The following SPAG6 variants were observed in gnomAD, a reference collection of about 807,000 sequenced individuals.
SPAG6 encodes the protein sperm-associated antigen 6.
In SPAG6, 49 loss-of-function variants were observed where a neutral mutation model predicts 58.5. That is an observed-to-expected ratio of 0.84 (90% CI 0.67 to 1.06). The LOEUF (loss-of-function observed/expected upper bound fraction) is 1.06. SPAG6 is among the 50% of genes least tolerant of loss of function. SPAG6 has a pLI of 0.00. For synonymous variants in SPAG6, 233 were observed against 225.6 expected (o/e 1.03, Z -0.29); for missense variants, 560 against 611.3 (o/e 0.92, Z 0.89).
chr10:22,352,755 C>T (rs994539173), intron 2 of SPAG6, among the ~76,000 whole-genome samples: 2 of 152,166 alleles, frequency 1.3e-5, no homozygotes, highest in Non-Finnish European at 2.9e-5. Flanking sequence ...GTGATCCACC[C>T]GCCTCGGCCT....
chr10:22,411,015 T>C lies in SPAG6; in HGVS notation c.1315-16T>C. 6.2e-7 allele frequency: 1 copy of C among 1,604,592 alleles called. No homozygotes were observed. The highest frequency in any genetic ancestry group is 8.5e-7 in the Non-Finnish European group (1 of 1,177,400). On this transcript the variant is annotated splice_polypyrimidine_tract_variant and intron_variant, in intron 9 of 10. Transcript: ENST00000376624. ...GGAAAAGAAAAGCTGACATTTTATG[T>C]GCTTCACTTTGCAAGGTGCTGCCGC... is the stretch of plus-strand genomic sequence containing the variant.
rs138630966 is a variant in SPAG6, at chr10:22,390,342, C to T, written c.1005+1030C>T. On this transcript the variant is annotated intron_variant, in intron 7 of 10. Coordinates refer to ENST00000376624, the MANE Select transcript of SPAG6 (RefSeq NM_012443.4). ...GAATGATGAAAGAAGAAGCAATTGC[C>T]GTTGCTTCCCATATGCCTTCCTGAA... is the stretch of plus-strand genomic sequence containing the variant. Among the ~76,000 whole-genome samples the T allele has an allele frequency of 1.8e-4, 28 of 152,194 alleles. No homozygotes were observed. The East Asian group carries it at 4.1e-3, about 22-fold the overall frequency.
intron 4 of SPAG6, among the ~76,000 whole-genome samples, chr10:22,378,070 T>C (rs1249020216): frequency 6.9e-6 from 1 of 145,102 alleles, no homozygotes; most frequent in Non-Finnish European, 1.5e-5. Flanking sequence ...TTTTTTTTTT[T>C]TTTTTCTTTT....
chr10:22,386,621 A>G (rs1834068922), intron 4 of SPAG6, 133 bp from the exon 5 acceptor site: 1 of 683,072 alleles, frequency 1.5e-6, no homozygotes, highest in Non-Finnish European at 2.6e-6. Context: ...AGGAAGCCTG[A>G]TTTGAAATGC....
intron 4 of SPAG6, among the ~76,000 whole-genome samples, chr10:22,378,061 T>C (rs1208275083): frequency 7.6e-5 from 11 of 145,616 alleles, no homozygotes; most frequent in African/African-American, 2.5e-4. Flanking sequence ...TTTTCTTTTT[T>C]TTTTTTTTTT....
intron 4 of SPAG6, among the ~76,000 whole-genome samples, chr10:22,371,705 A>AAT (rs1243192393): frequency 6.6e-6 from 1 of 152,224 alleles, no homozygotes; most frequent in Non-Finnish European, 1.5e-5. Flanking sequence ...CAAAAGAAAT[A>AAT]ATATATACTT....
At chr10:22,379,280 A>C (rs1833895633) in intron 4 of SPAG6, among the ~76,000 whole-genome samples, 1 of 152,090 alleles carries the variant, frequency 6.6e-6, no homozygotes, top group Non-Finnish European at 1.5e-5. Context: ...GTGTAGAACA[A>C]AGCTTTTTGT....
intron 9 of SPAG6, among the ~76,000 whole-genome samples, chr10:22,409,689 C>G (rs114652622): frequency 1.3e-5 from 2 of 152,142 alleles, no homozygotes; most frequent in Admixed American, 1.3e-4. Flanking sequence ...AAGAGCGTTT[C>G]GGTCAGAGGG....
Position 22,377,235 on chromosome 10 carries a change from C to T in SPAG6, c.472+8557C>T, listed in dbSNP as rs118068653. On this transcript the variant is annotated intron_variant, in intron 4 of 10. Coordinates refer to ENST00000376624, the MANE Select transcript of SPAG6 (RefSeq NM_012443.4). ...AGGAATGGAGGCTTCCCAGCAATGA[C>T]GAGATTGAGCTGGAAGCAGATCCTC... Among the ~76,000 whole-genome samples, 76 of 152,246 alleles carry T rather than the reference C, an allele frequency of 5.0e-4. 2 individuals are homozygous for T. The East Asian group carries it at 0.012, about 25-fold the overall frequency.
intron 2 of SPAG6, among the ~76,000 whole-genome samples, chr10:22,362,156 T>C (rs1837063132): frequency 6.8e-6 from 1 of 146,062 alleles, no homozygotes; most frequent in South Asian, 2.1e-4. Context: ...TATATATATT[T>C]ATTTTATATA....
intron 4 of SPAG6, among the ~76,000 whole-genome samples, chr10:22,378,062 T>C (rs1255642940): frequency 6.9e-6 from 1 of 145,770 alleles, no homozygotes; most frequent in African/African-American, 2.5e-5. Context: ...TTTCTTTTTT[T>C]TTTTTTTTTT....
At position 22,354,834 on chromosome 10, in the gene SPAG6, C is replaced by T. The variant is rs112553461; in HGVS notation, c.121+9016C>T. ...AGACCAGCCTGGCCAACATGGTAAA[C>T]CCCATCTCTACTAAAAATACAAAAA... On this transcript the variant is annotated intron_variant, in intron 2 of 10. Transcript: ENST00000376624. Among the ~76,000 whole-genome samples, 360 of 152,096 alleles carry T rather than the reference C, an allele frequency of 2.4e-3. 2 individuals carry two copies. Among genetic ancestry groups the T allele is most frequent in the African/African-American group, 8.4e-3 (348 of 41,492 alleles).
intron 9 of SPAG6, among the ~76,000 whole-genome samples, chr10:22,408,722 C>A (rs919720895): frequency 6.6e-6 from 1 of 152,222 alleles, no homozygotes; most frequent in Non-Finnish European, 1.5e-5. Flanking sequence ...ATGGCGGGCG[C>A]CCCTCCCCCA....
At chr10:22,376,793 A>T (rs1833824884) in intron 4 of SPAG6, among the ~76,000 whole-genome samples, 1 of 152,012 alleles carries the variant, frequency 6.6e-6, no homozygotes, top group Admixed American at 6.6e-5. Context: ...ACAAGTTATA[A>T]AAGATAAGAG....
chr10:22,400,432 G>A (rs1834382290), intron 8 of SPAG6, among the ~76,000 whole-genome samples: 1 of 152,074 alleles, frequency 6.6e-6, no homozygotes, highest in South Asian at 2.1e-4. Flanking sequence ...GTGATGTGCT[G>A]CAGCCCCATC....
rs926805653 is a variant in SPAG6 at position 22,412,430 on chromosome 10, C to T, written c.1460+1254C>T. The T allele has an allele frequency of 6.9e-6, 10 of 1,456,466 alleles. No individual in the cohort carries two copies. In the Admixed American group the frequency reaches 1.6e-4, roughly 24 times the overall value. 90.2% of individuals were successfully genotyped at this position (1,456,466 alleles called of 1,614,324 possible). A position where few individuals can be genotyped will look rare whatever the true frequency, so the allele number is the denominator to read the frequency against. ...AAGATTAAAATTTGTTTTCTATCCA[C>T]ATATTTTTACCCAGTAAATTCTTTC... On this transcript the variant is annotated intron_variant, in intron 10 of 10. Transcript: ENST00000376624.
intron 9 of SPAG6, among the ~76,000 whole-genome samples, chr10:22,402,432 A>T (rs929921047): frequency 6.6e-6 from 1 of 152,232 alleles, no homozygotes; most frequent in Non-Finnish European, 1.5e-5. Context: ...GTCCCTACAG[A>T]TAAGTTTGCC....
chr10:22,345,674 G>C lies in SPAG6; in HGVS notation c.25+38G>C, dbSNP rs747058002. Reference sequence around the variant, plus strand: ...CGGGCAGGTGCCCTAACTAGCTGGCGCCGAGGAGACCCGGGTGCGGTGGGC... The same window carrying C: ...CGGGCAGGTGCCCTAACTAGCTGGCCCCGAGGAGACCCGGGTGCGGTGGGC... On this transcript the variant is annotated intron_variant, in intron 1 of 10. Transcript: ENST00000376624. This position sits in a 1 kb window ranked among gnomAD's most constrained non-coding sequence, Gnocchi z 6.3. The C allele has an allele frequency of 6.3e-7, 1 of 1,578,258 alleles. No individual in the cohort carries two copies. The highest frequency in any genetic ancestry group is 8.6e-7 in the Non-Finnish European group (1 of 1,163,148).
intron 2 of SPAG6, among the ~76,000 whole-genome samples, chr10:22,358,203 A>G (rs1361272633): frequency 1.3e-5 from 2 of 152,172 alleles, no homozygotes; most frequent in African/African-American, 2.4e-5. Context: ...TCCCACCAAC[A>G]GTGTAAAAGT....
Sources: gnomAD v4.1 joint callset for allele counts (sites outside exome capture counted in the v4.1 genomes callset) on GRCh38, gnomAD v4.1.1 for gene constraint, Gnocchi (gnomAD v3.1) non-coding constraint, MANE v1.5 for transcripts, NCBI Gene and HGNC (gene_info 2026-07-23, HGNC 2026-07-21) for gene names.